DCC: variants seen among roughly 807,000 people sequenced by gnomAD.
DCC encodes netrin receptor DCC.
Under a neutral mutation model 172.5 loss-of-function variants are expected in DCC, and 58 were observed. That is an observed-to-expected ratio of 0.34 (90% CI 0.27 to 0.42). The LOEUF (loss-of-function observed/expected upper bound fraction) is 0.42. Among genes scored for constraint, DCC ranks in the 10% least tolerant of loss-of-function variants. The pLI, the probability that DCC is intolerant of heterozygous loss-of-function variation, is 1.00. For missense variants in DCC, 1,740 were observed against 1,791.0 expected, an observed-to-expected ratio of 0.97 and a Z score of 0.51; for synonymous variants, 709 against 644.5, an observed-to-expected ratio of 1.10 and a Z score of -1.52.
chr18:53,461,346 A>G (rs1174994923), intron 24 of DCC, among the ~76,000 whole-genome samples: 1 of 151,748 alleles, frequency 6.6e-6, no homozygotes, highest in African/African-American at 2.4e-5. Flanking sequence ...TTAGACCTGA[A>G]GTCCTTGCCC....
intron 1 of DCC, among the ~76,000 whole-genome samples, chr18:52,727,095 A>T (rs540269747): frequency 9.2e-5 from 14 of 152,200 alleles, no homozygotes; most frequent in Non-Finnish European, 7.3e-5. Flanking sequence ...GAGTCAGTAG[A>T]TAGATTGTCA....
chr18:53,471,205 G>C (rs1599188031), intron 25 of DCC, among the ~76,000 whole-genome samples: 1 of 152,008 alleles, frequency 6.6e-6, no homozygotes, highest in South Asian at 2.1e-4. Context: ...TATATTTATG[G>C]GGTACATGAG....
intron 12 of DCC, among the ~76,000 whole-genome samples, chr18:53,217,625 C>A (rs2055874397): frequency 6.6e-6 from 1 of 151,928 alleles, no homozygotes; most frequent in African/African-American, 2.4e-5. Flanking sequence ...ATCAAAACAC[C>A]ACTTTTTGCA....
chr18:53,411,438 T>A (rs1437013660), intron 20 of DCC, among the ~76,000 whole-genome samples: 1 of 152,194 alleles, frequency 6.6e-6, no homozygotes, highest in Non-Finnish European at 1.5e-5. Flanking sequence ...TAAAGAAGGA[T>A]AACTTAGCTC....
intron 21 of DCC, among the ~76,000 whole-genome samples, chr18:53,424,468 C>T (rs1246656794): frequency 6.6e-6 from 1 of 152,128 alleles, no homozygotes; most frequent in Non-Finnish European, 1.5e-5. Flanking sequence ...GATATTAACA[C>T]TTCCAGTCCA....
chr18:52,546,942 A>G (rs1339736522), intron 1 of DCC, among the ~76,000 whole-genome samples: 1 of 152,126 alleles, frequency 6.6e-6, no homozygotes, highest in African/African-American at 2.4e-5. Context: ...CGGGCAGCTA[A>G]TAGAGATATA....
intron 5 of DCC, among the ~76,000 whole-genome samples, chr18:52,927,710 C>T (rs1321808576): frequency 1.3e-5 from 2 of 151,892 alleles, no homozygotes; most frequent in East Asian, 1.9e-4. Context: ...CAATGAGAAC[C>T]ACCATCTCAC....
chr18:52,600,280 T>C (rs2033990651), intron 1 of DCC, among the ~76,000 whole-genome samples: 1 of 152,150 alleles, frequency 6.6e-6, no homozygotes, highest in African/African-American at 2.4e-5. Flanking sequence ...TTCCTCACAA[T>C]TCCAAAATCA....
At chr18:52,682,305 C>A (rs1354750634) in intron 1 of DCC, among the ~76,000 whole-genome samples, 1 of 152,004 alleles carries the variant, frequency 6.6e-6, no homozygotes, top group Non-Finnish European at 1.5e-5. Context: ...ACTACTGATA[C>A]AAAGTGGGCA....
chr18:53,527,246 T>G (rs570673130), intron 28 of DCC, among the ~76,000 whole-genome samples: 10 of 151,672 alleles, frequency 6.6e-5, no homozygotes, highest in Non-Finnish European at 1.3e-4. Flanking sequence ...CTTGCTGTGT[T>G]GCCCAGGCTA....
chr18:52,585,538 G>C (rs934486146), intron 1 of DCC, among the ~76,000 whole-genome samples: 2 of 152,174 alleles, frequency 1.3e-5, no homozygotes, highest in Non-Finnish European at 2.9e-5. Flanking sequence ...GAAATCTTTA[G>C]ATTGGTTTCC....
chr18:53,181,228 G>A (rs543569773), intron 9 of DCC, among the ~76,000 whole-genome samples: 65 of 151,922 alleles, frequency 4.3e-4, no homozygotes, highest in Admixed American at 7.9e-4. Context: ...TAAAATTATC[G>A]TAAAATTGTT....
chr18:53,515,323 G>C (rs4411571), intron 27 of DCC, among the ~76,000 whole-genome samples: 132,416 of 148,754 alleles, frequency 0.89, 59,236 homozygotes, highest in African/African-American at 0.96. Context: ...CTATCTATGA[G>C]AAACCCACAG....
chr18:53,409,284 C>T (rs866327068), intron 19 of DCC, among the ~76,000 whole-genome samples: 5 of 152,174 alleles, frequency 3.3e-5, no homozygotes, highest in Middle Eastern at 3.4e-3. Flanking sequence ...TTAACCACTG[C>T]GAAGACCTGT....
intron 27 of DCC, among the ~76,000 whole-genome samples, chr18:53,509,039 C>T (rs370919027): frequency 2.6e-5 from 4 of 152,130 alleles, no homozygotes; most frequent in Non-Finnish European, 5.9e-5. Flanking sequence ...CTGCATCTCC[C>T]GACTTGCTCC....
At chr18:52,465,648 C>G (rs1399840635) in intron 1 of DCC, among the ~76,000 whole-genome samples, 1 of 152,138 alleles carries the variant, frequency 6.6e-6, no homozygotes, top group Non-Finnish European at 1.5e-5. Context: ...TCATTCAATT[C>G]AGTCCTAGAC....
intron 8 of DCC, among the ~76,000 whole-genome samples, chr18:53,165,202 T>A (rs546510694): frequency 1.3e-5 from 2 of 152,276 alleles, no homozygotes; most frequent in East Asian, 3.9e-4. Flanking sequence ...CCTGACTTGC[T>A]CAAGGTCACA....
intron 1 of DCC, among the ~76,000 whole-genome samples, chr18:52,440,617 A>G (rs1294504172): frequency 6.6e-6 from 1 of 152,082 alleles, no homozygotes; most frequent in African/African-American, 2.4e-5. Context: ...ATTTTATTTT[A>G]TTTCTTAAAC....
rs374655193 is a variant in DCC, at chr18:53,364,551, CA to C, written c.2360-21487del. The stretch of plus-strand genomic sequence containing the variant: ...AAAATGCAAAATGACTCACAGAATT[CA>C]AAAATTACAACCTTCATCGACCATT... On this transcript the variant is annotated intron_variant, in intron 15 of 28. Coordinates refer to ENST00000442544, the MANE Select transcript of DCC (RefSeq NM_005215.4). 7.8e-4 allele frequency among the ~76,000 whole-genome samples: 118 copies of C among 151,782 alleles called. 2 individuals carry two copies. In the South Asian group the frequency reaches 0.016, roughly 21 times the overall value.
Sources: allele counts gnomAD v4.1 joint callset (sites outside exome capture counted in the v4.1 genomes callset), GRCh38; gene constraint gnomAD v4.1.1; transcripts MANE v1.5; gene names NCBI Gene and HGNC (gene_info 2026-07-23, HGNC 2026-07-21).